The following ITGA7 variants were observed in gnomAD, a reference collection of about 807,000 sequenced individuals.
ITGA7 encodes integrin subunit alpha 7, also known as integrin alpha-7.
In ITGA7, 84 loss-of-function variants were observed where a neutral mutation model predicts 131.6. The observed-to-expected ratio is 0.64, with a 90% confidence interval of 0.54 to 0.77. The LOEUF (loss-of-function observed/expected upper bound fraction) is 0.77, where lower values mean the gene tolerates loss of function less well. ITGA7 is among the 30% of genes least tolerant of loss of function. The pLI is 0.00. For synonymous variants in ITGA7, 548 were observed against 600.7 expected (o/e 0.91, Z 1.28); for missense variants, 1,399 against 1,482.9 (o/e 0.94, Z 0.93).
chr12:55,689,403 A>G (rs1458946248), intron 21 of ITGA7, among the ~76,000 whole-genome samples: 1 of 152,190 alleles, frequency 6.6e-6, no homozygotes, highest in Non-Finnish European at 1.5e-5. Context: ...GGTGGAGCAA[A>G]TATTTGAACT....
chr12:55,707,608 T>C lies in ITGA7; in HGVS notation c.75A>G (p.Glu25=). The change falls in exon 1 of 25, where the codon GAA becomes GAG. Residue 25 remains glutamate, a synonymous_variant. Coordinates refer to ENST00000257879, the MANE Select transcript of ITGA7 (RefSeq NM_002206.3). Reference sequence around the variant, plus strand: ...AGGCGACAGCCCGTGAGAAGAGCAGTTCGACGAGCAGGGAGCCAAAAAGGT... The same window carrying C: ...AGGCGACAGCCCGTGAGAAGAGCAGCTCGACGAGCAGGGAGCCAAAAAGGT... ...ICYLFGSLLV[E]LLFSRAVAFN... 1 of 1,612,862 alleles carries C rather than the reference T, an allele frequency of 6.2e-7. No individual in the cohort carries two copies. The highest frequency in any genetic ancestry group is 1.1e-5 in the South Asian group (1 of 90,862).
rs896780343 is a variant in ITGA7, at chr12:55,693,194, G to T, written c.2659C>A (p.Gln887Lys). 7 of 1,613,712 alleles carry T rather than the reference G, an allele frequency of 4.3e-6. No individual in the cohort carries two copies. The African/African-American group carries it at 9.4e-5, about 22-fold the overall frequency. The stretch of plus-strand genomic sequence containing the variant: ...CAAAGCCCTTTCTGCCCAGGCCCCT[G>T]CCCGCCCTCCAGCTCAACCTGCATT... ...YPMQVELEGG[Q>K]GPGQKGLCSP... is the part of the protein sequence containing the mutation. Residue 887 changes from glutamine (Q) to lysine (K), a missense_variant, in exon 20 of 25, where the codon CAG (glutamine) becomes AAG (lysine). Coordinates refer to ENST00000257879, the MANE Select transcript of ITGA7 (RefSeq NM_002206.3).
chr12:55,707,867 G>T lies in ITGA7; in HGVS notation c.-185C>A, dbSNP rs918767387. The T allele has an allele frequency of 1.4e-6, 2 of 1,424,570 alleles. No individual in the cohort carries two copies. The highest frequency in any genetic ancestry group is 3.1e-5 in the African/African-American group (2 of 63,972). 88.2% of individuals were successfully genotyped at this position (1,424,570 alleles called of 1,614,324 possible). A position where few individuals can be genotyped will look rare whatever the true frequency, so the allele number is the denominator to read the frequency against. On this transcript the variant is annotated 5_prime_UTR_variant, in exon 1 of 25. Transcript: ENST00000257879. Reference sequence around the variant, plus strand: ...CCGCCACCCCGCCGCCCCAGCACCGGCTAGGACAACTACAGCAGCCGCAGC... The same window carrying T: ...CCGCCACCCCGCCGCCCCAGCACCGTCTAGGACAACTACAGCAGCCGCAGC...
At chr12:55,708,203 G>A (rs1165889694), upstream of ITGA7, among the ~76,000 whole-genome samples, 1 of 152,106 alleles carries the variant, frequency 6.6e-6, no homozygotes, top group Non-Finnish European at 1.5e-5. Flanking sequence ...TAGAAAGAGA[G>A]GGGCTGAAAC....
In ITGA7 at chr12:55,694,473, G is replaced by A. The variant is rs1872184486; in HGVS notation, c.2327C>T (p.Thr776Met). The change falls in exon 17 of 25, where the codon ACG (threonine) becomes ATG (methionine). Residue 776 changes from threonine (T) to methionine (M), a missense_variant. Coordinates refer to ENST00000257879, the MANE Select transcript of ITGA7 (RefSeq NM_002206.3). The surrounding 1 kb of genome is among the most constrained non-coding windows in gnomAD (Gnocchi z 5.3). ...LSTSGISIET[T>M]ELEVELLLAT... ...CAACAGCAGCTCTACCTCCAGTTCCGTGGTCTCAATGCTGATCCCGGAGGT... is the reference window on the plus strand; with the variant it reads ...CAACAGCAGCTCTACCTCCAGTTCCATGGTCTCAATGCTGATCCCGGAGGT... 3 of 1,614,060 alleles carry A rather than the reference G, an allele frequency of 1.9e-6. No individual in the cohort carries two copies. Among genetic ancestry groups the A allele is most frequent in the African/African-American group, 2.7e-5 (2 of 74,916 alleles).
At chr12:55,697,139 C>T in intron 11 of ITGA7, 71 bp from the exon 12 acceptor site, 1 of 1,583,650 alleles carries the variant, frequency 6.3e-7, no homozygotes, top group Non-Finnish European at 8.6e-7. Context: ...TCCAAGGGTG[C>T]TCTTCTACCA....
chr12:55,707,893 T>TC lies in ITGA7; in HGVS notation c.-212dup. 1 of 1,396,238 alleles carries TC rather than the reference T, an allele frequency of 7.2e-7. No individual in the cohort carries two copies. 86.5% of individuals were successfully genotyped at this position (1,396,238 alleles called of 1,614,324 possible). ...CTAGGACAACTACAGCAGCCGCAGC[T>TC]CCGGCGCCCACTCCGGCTCCCGCCT... On this transcript the variant is annotated 5_prime_UTR_variant, in exon 1 of 25. Coordinates refer to ENST00000257879, the MANE Select transcript of ITGA7 (RefSeq NM_002206.3).
At chr12:55,716,018 T>G (rs979560254), upstream of ITGA7, 15 of 1,529,006 alleles carry the variant, frequency 9.8e-6, no homozygotes, top group African/African-American at 4.2e-5. Flanking sequence ...AAGAGGGCGG[T>G]TCCCAACCTC....
At chr12:55,710,800 A>G (rs1876032366), upstream of ITGA7, among the ~76,000 whole-genome samples, 1 of 152,084 alleles carries the variant, frequency 6.6e-6, no homozygotes, top group Non-Finnish European at 1.5e-5. Context: ...TTCCACTCGC[A>G]TACCATTCTC....
chr12:55,701,284 T>TAC, intron 3 of ITGA7, 130 bp from the exon 4 acceptor site: 1 of 1,552,926 alleles, frequency 6.4e-7, no homozygotes, highest in Non-Finnish European at 8.8e-7. Context: ...CATGCACACA[T>TAC]ACACACACAC....
chr12:55,692,611 GCTAA>G (rs1427016690), intron 21 of ITGA7, among the ~76,000 whole-genome samples: 1 of 152,168 alleles, frequency 6.6e-6, no homozygotes, highest in African/African-American at 2.4e-5. Context: ...CAATTGCTTG[GCTAA>G]CTAACTGGCT....
In ITGA7 at chr12:55,703,160, G is replaced by C; in HGVS notation, c.225C>G (p.Pro75=). 6.2e-7 allele frequency: 1 copy of C among 1,611,274 alleles called. No homozygotes were observed. The highest frequency in any genetic ancestry group is 2.2e-5 in the East Asian group (1 of 44,860). The part of the protein sequence containing the change: ...RPQSWLLVGA[P]QALALPGQQA... ...GCTGCCCAGGAAGAGCCAGGGCCTG[G>C]GGAGCACCCACCAGCAGCCTGCAAG... Residue 75 remains proline, a synonymous_variant, in exon 2 of 25, where the codon CCC becomes CCG. Transcript: ENST00000257879.
upstream of ITGA7, chr12:55,716,067 CGA>C (rs1565651447): frequency 1.3e-6 from 2 of 1,565,094 alleles, no homozygotes; most frequent in Admixed American, 1.9e-5. Flanking sequence ...CCCGGGGAGC[CGA>C]GGTGAGCGTT....
Position 55,685,099 on chromosome 12 carries a change from C to G in ITGA7, c.3373G>C (p.Glu1125Gln), listed in dbSNP as rs371203166. Residue 1125 changes from glutamate (E) to glutamine (Q), a missense_variant, in exon 25 of 25, where the codon GAG becomes CAG. Glu to Gln is a conservative substitution (Grantham distance 29). Transcript: ENST00000257879. Reference sequence around the variant, plus strand: ...CCTGGATGCCCATCGGGGCCCAGCTCGGGATGCCCGTCAGCAGCCAGGATG... The same window carrying G: ...CCTGGATGCCCATCGGGGCCCAGCTGGGGATGCCCGTCAGCAGCCAGGATG... The part of the protein sequence containing the change: ...HPILAADGHP[E>Q]LGPDGHPGPG... 1.2e-5 allele frequency: 20 copies of G among 1,606,424 alleles called. No homozygotes were observed. Among genetic ancestry groups the G allele is most frequent in the Non-Finnish European group, 1.5e-5 (18 of 1,177,658 alleles).
chr12:55,689,494 T>C (rs1467615072), intron 21 of ITGA7, among the ~76,000 whole-genome samples: 3 of 152,140 alleles, frequency 2.0e-5, no homozygotes, highest in Non-Finnish European at 4.4e-5. Flanking sequence ...CAGGAGCTCC[T>C]GGGTAGACAG....
In ITGA7 at chr12:55,695,172, T is replaced by G. The variant is rs538001475; in HGVS notation, c.2004-202A>C. 4 of 612,518 alleles carry G rather than the reference T, an allele frequency of 6.5e-6. No homozygotes were observed. In the East Asian group the frequency reaches 1.1e-4, roughly 17 times the overall value. The allele number at this position is 612,518 out of a possible 1,614,324, so 37.9% of individuals were successfully genotyped here. Reference sequence around the variant, plus strand: ...CTCCGTTCTCATCTCAGCTCCACCATTACTTACCTTGGCCAAGTAACTTAA... The same window carrying G: ...CTCCGTTCTCATCTCAGCTCCACCAGTACTTACCTTGGCCAAGTAACTTAA... On this transcript the variant is annotated intron_variant, in intron 14 of 24. Transcript: ENST00000257879.
chr12:55,716,354 C>T, upstream of ITGA7: 2 of 1,459,490 alleles, frequency 1.4e-6, no homozygotes, highest in East Asian at 5.2e-5. Flanking sequence ...TTTTTTGAAA[C>T]TCCTTTCCCT....
chr12:55,692,153 C>T (rs1871554566), intron 21 of ITGA7, among the ~76,000 whole-genome samples: 1 of 152,190 alleles, frequency 6.6e-6, no homozygotes, highest in African/African-American at 2.4e-5. Context: ...TGGCTCAGGC[C>T]TATAATCCCA....
Position 55,707,678 on chromosome 12 carries a change from G to A in ITGA7, c.5C>T (p.Ala2Val), listed in dbSNP as rs867336411. The change falls in exon 1 of 25, where the codon GCC becomes GTC. Residue 2 changes from alanine (A) to valine (V), a missense_variant. Ala to Val is a moderately conservative substitution (Grantham distance 64, BLOSUM62 0). Coordinates refer to ENST00000257879, the MANE Select transcript of ITGA7 (RefSeq NM_002206.3). ...CCAAGGGTCGCGGCTCCGAGCCCCG[G>A]CCATGGGACGATCCCTGCGCGAGCT... M[A>V]GARSRDPWGA... 9.5e-6 allele frequency: 15 copies of A among 1,571,658 alleles called. No homozygotes were observed. Among genetic ancestry groups the A allele is most frequent in the Non-Finnish European group, 1.2e-5 (14 of 1,158,210 alleles).
Sources: allele counts gnomAD v4.1 joint callset (sites outside exome capture counted in the v4.1 genomes callset), GRCh38; gene constraint gnomAD v4.1.1; non-coding constraint Gnocchi (gnomAD v3.1); transcripts MANE v1.5; gene names NCBI Gene and HGNC (gene_info 2026-07-23, HGNC 2026-07-21).